Variants in NUP85 observed in about 807,000 individuals in gnomAD.
The protein encoded by NUP85 is nucleoporin 85.
NUP85 carries 23 observed loss-of-function variants against 92.8 expected under a neutral mutation model. The ratio of observed to expected loss-of-function variants is 0.25; its 90% confidence interval spans 0.18 to 0.35. The LOEUF (loss-of-function observed/expected upper bound fraction) is 0.35, where lower values mean the gene tolerates loss of function less well. NUP85 is among the 10% of genes least tolerant of loss of function. The pLI, the probability that NUP85 is intolerant of heterozygous loss-of-function variation, is 1.00. For missense variants in NUP85, 759 were observed against 822.8 expected (o/e 0.92, Z 0.95); for synonymous variants, 314 against 306.9 (o/e 1.02, Z -0.24).
At chr17:75,208,280 GAA>G (rs56256592) in intron 1 of NUP85, 2,559 of 299,848 alleles carry the variant, frequency 8.5e-3, no homozygotes, top group East Asian at 0.014. Context: ...TACTAAAAAT[GAA>G]AAAAAAAAAA....
intron 5 of NUP85, among the ~76,000 whole-genome samples, chr17:75,213,850 G>A (rs1420712241): frequency 6.8e-6 from 1 of 148,140 alleles, no homozygotes; most frequent in African/African-American, 2.5e-5. Flanking sequence ...TGCCACACCT[G>A]GCAAAACTCA....
chr17:75,215,935 T>G, intron 6 of NUP85, 112 bp downstream of exon 6: 1 of 961,738 alleles, frequency 1.0e-6, no homozygotes. Flanking sequence ...GAATGTTCTT[T>G]CCATCATTAT....
At chr17:75,220,886 T>TTTC (rs2075577618) in intron 7 of NUP85, among the ~76,000 whole-genome samples, 1 of 147,298 alleles carries the variant, frequency 6.8e-6, no homozygotes, top group Non-Finnish European at 1.5e-5. Context: ...CAATTTTTTT[T>TTTC]TTTTTTTTTT....
intron 7 of NUP85, among the ~76,000 whole-genome samples, chr17:75,218,639 A>G (rs537536296): frequency 8.7e-6 from 1 of 114,834 alleles, no homozygotes; most frequent in African/African-American, 3.4e-5. Context: ...GCGGTGGCTC[A>G]TGCCTGTAAT....
chr17:75,212,105 TGTGTG>T lies in NUP85; in HGVS notation c.361+45_361+49del, dbSNP rs2075281159. The T allele has an allele frequency of 4.2e-6, 6 of 1,414,630 alleles. No individual in the cohort carries two copies. In the Admixed American group the frequency reaches 5.8e-5, roughly 14 times the overall value. 87.6% of individuals were successfully genotyped at this position (1,414,630 alleles called of 1,614,324 possible). ...GTGCGCGCGTGTGTGTGTGTGTGTG[TGTGTG>T]GGTATTTTGAGTATTTATCTATGCA... On this transcript the variant is annotated intron_variant, in intron 4 of 18. Coordinates refer to ENST00000245544, the MANE Select transcript of NUP85 (RefSeq NM_024844.5).
chr17:75,232,012 T>C (rs781587458), intron 14 of NUP85, 33 bp downstream of exon 14: 2 of 1,611,618 alleles, frequency 1.2e-6, no homozygotes, highest in South Asian at 2.2e-5. Flanking sequence ...CTACTGTCTG[T>C]GGGACGCAGG....
intron 10 of NUP85, 28 bp downstream of exon 10, chr17:75,225,857 G>T: frequency 1.2e-6 from 2 of 1,613,362 alleles, no homozygotes; most frequent in Non-Finnish European, 1.7e-6. Flanking sequence ...GGGCAAGGGT[G>T]GGGGTAGGAG....
intron 16 of NUP85, among the ~76,000 whole-genome samples, chr17:75,233,697 C>T (rs1174580329): frequency 6.6e-6 from 1 of 152,068 alleles, no homozygotes; most frequent in African/African-American, 2.4e-5. Context: ...CTCCCGGGTC[C>T]AAGCAATTCT....
Position 75,233,065 on chromosome 17 carries a change from A to C in NUP85, c.1522A>C (p.Arg508=). The C allele has an allele frequency of 6.2e-7, 1 of 1,614,110 alleles. No homozygotes were observed. Among genetic ancestry groups the C allele is most frequent in the Non-Finnish European group, 8.5e-7 (1 of 1,180,008 alleles). Residue 508 remains arginine (R), a synonymous_variant, in exon 16 of 19, where the codon AGG becomes CGG. Coordinates refer to ENST00000245544, the MANE Select transcript of NUP85 (RefSeq NM_024844.5). ...CTGGGCCGGGCCCTGCAGGTTCCTC[A>C]GGGATTACTGTGAGCGAGGCTGCTT... ...FATLVSDRFL[R]DYCERGCFSD...
intron 17 of NUP85, 133 bp downstream of exon 17, chr17:75,234,921 C>T (rs1045011615): frequency 1.7e-6 from 2 of 1,192,570 alleles, no homozygotes; most frequent in Admixed American, 3.4e-5. Flanking sequence ...TTAGCGCCCT[C>T]TCTGGGATTC....
At chr17:75,233,403 CTCTT>C (rs1226574712) in intron 16 of NUP85, among the ~76,000 whole-genome samples, 36 of 97,306 alleles carry the variant, frequency 3.7e-4, no homozygotes, top group African/African-American at 8.3e-4. Flanking sequence ...CTTTCTCTTT[CTCTT>C]TCTTTCTTTC....
chr17:75,215,686 A>T, intron 5 of NUP85, 68 bp from the exon 6 acceptor site: 1 of 1,412,126 alleles, frequency 7.1e-7, no homozygotes, highest in South Asian at 1.2e-5. Context: ...AGTCTGCTTT[A>T]TCCCTTGGCT....
rs1188564028 is a variant in NUP85, at chr17:75,235,683, C to T, written c.*4C>T. On this transcript the variant is annotated 3_prime_UTR_variant, in exon 19 of 19. Coordinates refer to ENST00000245544, the MANE Select transcript of NUP85 (RefSeq NM_024844.5). ...AGGCTCACTGGAAGGTTCCTGAGAA[C>T]TGCTTCAATGTGGTATCTTTGTATG... 2.5e-6 allele frequency: 4 copies of T among 1,598,814 alleles called. No individual in the cohort carries two copies. Among genetic ancestry groups the T allele is most frequent in the African/African-American group, 1.3e-5 (1 of 74,614 alleles).
At chr17:75,212,111 G>GTTA in intron 4 of NUP85, 49 bp downstream of exon 4, 1 of 402,142 alleles carries the variant, frequency 2.5e-6, no homozygotes, top group South Asian at 4.5e-5. Flanking sequence ...TGTGTGTGTG[G>GTTA]GTATTTTGAG....
chr17:75,234,360 G>T (rs559636822), intron 16 of NUP85, among the ~76,000 whole-genome samples: 1 of 152,294 alleles, frequency 6.6e-6, no homozygotes, highest in South Asian at 2.1e-4. Flanking sequence ...GCCTGGCCTA[G>T]TCAATCTCTT....
intron 11 of NUP85, chr17:75,229,138 A>G (rs2075942394): frequency 1.0e-6 from 1 of 985,342 alleles, no homozygotes; most frequent in African/African-American, 1.7e-5. Context: ...AAAGGTGACA[A>G]GTCTTCCTTC....
At chr17:75,227,271 A>C (rs1032066689) in intron 11 of NUP85, among the ~76,000 whole-genome samples, 3 of 151,840 alleles carry the variant, frequency 2.0e-5, no homozygotes, top group African/African-American at 7.3e-5. Flanking sequence ...GGCTTCAAGA[A>C]AATGATACTA....
intron 7 of NUP85, among the ~76,000 whole-genome samples, chr17:75,222,650 T>G (rs1395229543): frequency 6.6e-6 from 1 of 152,062 alleles, no homozygotes; most frequent in African/African-American, 2.4e-5. Flanking sequence ...CTGGTCATAT[T>G]TTGTTCAACC....
chr17:75,208,689 A>G, intron 2 of NUP85, 69 bp downstream of exon 2: 3 of 840,028 alleles, frequency 3.6e-6, no homozygotes, highest in Non-Finnish European at 6.2e-6. Flanking sequence ...ATTACCTCAG[A>G]TTTTACTAGT....
Sources: allele counts gnomAD v4.1 joint callset (sites outside exome capture counted in the v4.1 genomes callset), GRCh38; gene constraint gnomAD v4.1.1; transcripts MANE v1.5; gene names NCBI Gene and HGNC (gene_info 2026-07-23, HGNC 2026-07-21).